Variants in NRF1 observed in about 807,000 individuals in gnomAD.
NRF1 encodes the protein alpha palindromic-binding protein.
In NRF1, 5 loss-of-function variants were observed where a neutral mutation model predicts 58.5. The observed-to-expected ratio is 0.09, with a 90% confidence interval of 0.04 to 0.18. The LOEUF (loss-of-function observed/expected upper bound fraction) is 0.18, where lower values mean the gene tolerates loss of function less well. Ranked by LOEUF, NRF1 falls within the 10% of genes least tolerant of loss-of-function variation. The pLI is 1.00. For synonymous variants in NRF1, 224 were observed against 246.7 expected, an observed-to-expected ratio of 0.91 and a Z score of 0.86; for missense variants, 288 against 657.7, an observed-to-expected ratio of 0.44 and a Z score of 6.15.
chr7:129,697,046 C>T (rs1305455235), intron 5 of NRF1, among the ~76,000 whole-genome samples: 1 of 152,102 alleles, frequency 6.6e-6, no homozygotes, highest in Non-Finnish European at 1.5e-5. Context: ...GGTATTATTA[C>T]TAATTATTAA....
chr7:129,629,471 T>C (rs908812002), intron 1 of NRF1, among the ~76,000 whole-genome samples: 85 of 152,076 alleles, frequency 5.6e-4, no homozygotes, highest in African/African-American at 1.8e-3. Context: ...GACGGGGTTT[T>C]GCCATGTTGG....
At chr7:129,637,674 C>G (rs1443375372) in intron 1 of NRF1, among the ~76,000 whole-genome samples, 1 of 152,068 alleles carries the variant, frequency 6.6e-6, no homozygotes, top group African/African-American at 2.4e-5. Context: ...GATTTTATAA[C>G]CTGTTGTTTT....
intron 1 of NRF1, among the ~76,000 whole-genome samples, chr7:129,651,143 C>T (rs1012452881): frequency 1.3e-5 from 2 of 152,016 alleles, no homozygotes; most frequent in African/African-American, 2.4e-5. Context: ...TTAGAGAGGC[C>T]GGGTGCGGTG....
At chr7:129,669,051 G>A (rs1801984214) in intron 2 of NRF1, among the ~76,000 whole-genome samples, 4 of 152,032 alleles carry the variant, frequency 2.6e-5, no homozygotes, top group Admixed American at 2.6e-4. Context: ...AGATTCAAGC[G>A]ATTTTCCTGC....
chr7:129,687,591 A>G (rs1286012569), intron 4 of NRF1, among the ~76,000 whole-genome samples: 2 of 152,088 alleles, frequency 1.3e-5, no homozygotes, highest in Admixed American at 6.6e-5. Flanking sequence ...TCTTGATCTT[A>G]ACAGAAATTG....
chr7:129,708,740 T>C (rs969785982), intron 5 of NRF1, among the ~76,000 whole-genome samples: 1 of 152,206 alleles, frequency 6.6e-6, no homozygotes, highest in Non-Finnish European at 1.5e-5. Flanking sequence ...GTTTGGCACC[T>C]TACATGCATG....
In NRF1 at chr7:129,667,751, A is replaced by G. The variant is rs1190491259; in HGVS notation, c.224-3678A>G. Among the ~76,000 whole-genome samples the G allele has an allele frequency of 4.9e-5, 5 of 101,578 alleles. 1 individual carries two copies. Among genetic ancestry groups the G allele is most frequent in the South Asian group, 6.4e-4 (2 of 3,122 alleles). 66.6% of individuals were successfully genotyped at this position (101,578 alleles called of 152,430 possible). ...TTTTCAATTTTAAAGGTATTTATTT[A>G]TTTATTTATTTATTTATTTATTTAT... On this transcript the variant is annotated intron_variant, in intron 2 of 10. Transcript: ENST00000393232.
intron 1 of NRF1, among the ~76,000 whole-genome samples, chr7:129,620,922 A>G (rs896129913): frequency 6.6e-6 from 1 of 152,216 alleles, no homozygotes; most frequent in African/African-American, 2.4e-5. Context: ...TGAAATGAAA[A>G]TACCGTTGAT....
chr7:129,713,059 C>T (rs1449223605), intron 8 of NRF1, among the ~76,000 whole-genome samples: 1 of 149,058 alleles, frequency 6.7e-6, no homozygotes, highest in African/African-American at 2.5e-5. Flanking sequence ...GTTTTTGACA[C>T]ATAATATTTA....
At chr7:129,665,355 G>C (rs1424875753) in intron 2 of NRF1, among the ~76,000 whole-genome samples, 1 of 152,180 alleles carries the variant, frequency 6.6e-6, no homozygotes, top group Non-Finnish European at 1.5e-5. Context: ...TAACCAGCGT[G>C]GGGATTTTTC....
intron 9 of NRF1, among the ~76,000 whole-genome samples, chr7:129,724,641 G>A (rs772901426): frequency 7.2e-5 from 11 of 152,264 alleles, no homozygotes; most frequent in Non-Finnish European, 1.2e-4. Context: ...AGTGATCATC[G>A]ACAGATGAAT....
At chr7:129,647,466 G>A (rs1294947149) in intron 1 of NRF1, among the ~76,000 whole-genome samples, 15 of 149,228 alleles carry the variant, frequency 1.0e-4, no homozygotes, top group Admixed American at 1.0e-3. Context: ...GCAGTGGTGC[G>A]ATCTTTGCTC....
At chr7:129,690,298 C>T in intron 4 of NRF1, 108 bp from the exon 5 acceptor site, 3 of 1,039,630 alleles carry the variant, frequency 2.9e-6, no homozygotes, top group Non-Finnish European at 4.3e-6. Flanking sequence ...GTTTTTAAGG[C>T]TATGCAATGG....
chr7:129,645,476 G>T (rs1447756296), intron 1 of NRF1, among the ~76,000 whole-genome samples: 2 of 152,058 alleles, frequency 1.3e-5, no homozygotes, highest in Non-Finnish European at 1.5e-5. Context: ...ACTCTAAATC[G>T]CTCTTTCCCA....
chr7:129,720,234 G>T (rs1048099829), intron 9 of NRF1, among the ~76,000 whole-genome samples: 3 of 152,210 alleles, frequency 2.0e-5, no homozygotes, highest in Admixed American at 6.5e-5. Flanking sequence ...ACCAAGCCTG[G>T]CAGCAGAGAC....
chr7:129,745,171 T>A (rs1343718667), intron 10 of NRF1, among the ~76,000 whole-genome samples: 3 of 152,174 alleles, frequency 2.0e-5, no homozygotes, highest in Non-Finnish European at 4.4e-5. Context: ...CTTTCCATTT[T>A]AAAATATTGG....
chr7:129,709,033 A>G (rs1412028422), intron 5 of NRF1, 42 bp from the exon 6 acceptor site: 3 of 1,388,808 alleles, frequency 2.2e-6, no homozygotes, highest in Non-Finnish European at 2.8e-6. Context: ...CACACCCCAG[A>G]TGTCTTTCAT....
intron 5 of NRF1, among the ~76,000 whole-genome samples, chr7:129,694,370 CTCTT>C (rs996568082): frequency 6.6e-6 from 1 of 152,028 alleles, no homozygotes; most frequent in Non-Finnish European, 1.5e-5. Context: ...GTCTCTGTCT[CTCTT>C]TTTTTTTGGG....
intron 10 of NRF1, among the ~76,000 whole-genome samples, chr7:129,749,373 G>C (rs954352405): frequency 3.3e-5 from 5 of 151,652 alleles, no homozygotes; most frequent in Non-Finnish European, 7.4e-5. Flanking sequence ...ATTTATTTGG[G>C]AAGAGAGGAG....
Sources: gnomAD v4.1 joint callset for allele counts (sites outside exome capture counted in the v4.1 genomes callset) on GRCh38, gnomAD v4.1.1 for gene constraint, MANE v1.5 for transcripts, NCBI Gene and HGNC (gene_info 2026-07-23, HGNC 2026-07-21) for gene names.